The following CDH18 variants were observed in gnomAD, a reference collection of about 807,000 sequenced individuals.
CDH18 encodes cadherin-18.
Under a neutral mutation model 67.9 loss-of-function variants are expected in CDH18, and 31 were observed. The observed-to-expected ratio is 0.46, with a 90% CI of 0.34 to 0.62. CDH18 has a LOEUF of 0.62. Ranked by LOEUF, CDH18 falls within the 20% of genes least tolerant of loss-of-function variation. The pLI, the probability that CDH18 is intolerant of heterozygous loss-of-function variation, is 0.01. For missense variants in CDH18, 890 were observed against 975.5 expected (o/e 0.91, Z 1.17); for synonymous variants, 362 against 347.2 (o/e 1.04, Z -0.48).
chr5:19,800,795 G>GA (rs1023571328), intron 3 of CDH18, among the ~76,000 whole-genome samples: 1 of 151,644 alleles, frequency 6.6e-6, no homozygotes, highest in South Asian at 2.1e-4. Flanking sequence ...AAAATGGTAG[G>GA]AAAAAAAATG....
Position 20,453,017 on chromosome 5 carries a change from C to A in CDH18, c.-580+122445G>T, listed in dbSNP as rs140976594. Among the ~76,000 whole-genome samples, 302 of 152,262 alleles carry A rather than the reference C, an allele frequency of 2.0e-3. 1 individual carries two copies. Among genetic ancestry groups the A allele is most frequent in the African/African-American group, 6.9e-3 (287 of 41,562 alleles). ...AATACACAGGCTGATAACTCCATTA[C>A]CCCTAAATCAGCCACCTATTTGGTA... On this transcript the variant is annotated intron_variant, in intron 1 of 14. Transcript: ENST00000507958.
intron 5 of CDH18, among the ~76,000 whole-genome samples, chr5:19,663,928 G>T (rs996050083): frequency 6.6e-6 from 1 of 151,144 alleles, no homozygotes; most frequent in Admixed American, 6.6e-5. Flanking sequence ...ATGTAGTTTA[G>T]GAAATTGTTA....
chr5:19,514,165 A>G (rs2126851279), intron 10 of CDH18, among the ~76,000 whole-genome samples: 1 of 152,322 alleles, frequency 6.6e-6, no homozygotes, highest in African/African-American at 2.4e-5. Context: ...GTCCCTACAA[A>G]GGACGGGAAC....
intron 1 of CDH18, among the ~76,000 whole-genome samples, chr5:20,462,090 T>A (rs145277449): frequency 1.1e-3 from 166 of 152,304 alleles, no homozygotes; most frequent in Non-Finnish European, 1.8e-3. Context: ...TTTCATTATT[T>A]ACAACAGCAA....
At chr5:19,780,950 C>T (rs1050270962) in intron 3 of CDH18, among the ~76,000 whole-genome samples, 1 of 151,966 alleles carries the variant, frequency 6.6e-6, no homozygotes, top group Non-Finnish European at 1.5e-5. Context: ...GAAGTGGTTT[C>T]CTATAGAATA....
intron 2 of CDH18, among the ~76,000 whole-genome samples, chr5:19,867,094 T>A (rs1464459045): frequency 1.3e-5 from 2 of 152,026 alleles, no homozygotes; most frequent in Admixed American, 1.3e-4. Flanking sequence ...ATCTCAAAAA[T>A]AAATGAATAA....
chr5:20,133,420 A>G (rs1749436838), intron 2 of CDH18, among the ~76,000 whole-genome samples: 1 of 152,128 alleles, frequency 6.6e-6, no homozygotes, highest in South Asian at 2.1e-4. Context: ...ACCATGGGAA[A>G]AAACCTCCTC....
intron 2 of CDH18, among the ~76,000 whole-genome samples, chr5:19,965,624 T>G (rs1031225574): frequency 2.2e-4 from 34 of 152,328 alleles, no homozygotes; most frequent in African/African-American, 7.9e-4. Context: ...ATTTCTTTTA[T>G]TCTGATAATT....
intron 7 of CDH18, among the ~76,000 whole-genome samples, chr5:19,588,787 T>A (rs977031243): frequency 2.0e-5 from 3 of 151,712 alleles, no homozygotes; most frequent in African/African-American, 7.3e-5. Flanking sequence ...CCAAAAAAGA[T>A]CGAAAAAGAC....
At chr5:20,100,029 G>T (rs1432016559) in intron 2 of CDH18, among the ~76,000 whole-genome samples, 1 of 152,008 alleles carries the variant, frequency 6.6e-6, no homozygotes, top group Non-Finnish European at 1.5e-5. Flanking sequence ...CAAATGGTCC[G>T]CCCGCCTTGG....
chr5:20,139,724 T>C (rs1307046438), intron 2 of CDH18, among the ~76,000 whole-genome samples: 1 of 152,118 alleles, frequency 6.6e-6, no homozygotes, highest in Non-Finnish European at 1.5e-5. Flanking sequence ...AAAATGCTCA[T>C]CATCACTGGC....
chr5:19,740,339 C>A (rs1395148258), intron 4 of CDH18, among the ~76,000 whole-genome samples: 2 of 151,748 alleles, frequency 1.3e-5, no homozygotes, highest in Non-Finnish European at 2.9e-5. Flanking sequence ...ACATTGTGAT[C>A]TGTTATATGA....
chr5:20,549,925 G>A (rs982654164), intron 1 of CDH18, among the ~76,000 whole-genome samples: 35 of 152,166 alleles, frequency 2.3e-4, no homozygotes, highest in African/African-American at 7.2e-4. Context: ...TGCAAGAGAT[G>A]AAGTAAAAAT....
chr5:19,943,682 T>C (rs1795039189), intron 2 of CDH18, among the ~76,000 whole-genome samples: 3 of 152,006 alleles, frequency 2.0e-5, no homozygotes, highest in Admixed American at 2.0e-4. Flanking sequence ...TTCCAGTCAA[T>C]GAATAATTAA....
At chr5:19,663,341 G>C (rs1757451421) in intron 5 of CDH18, among the ~76,000 whole-genome samples, 1 of 151,786 alleles carries the variant, frequency 6.6e-6, no homozygotes. Context: ...ACTGCTATTT[G>C]TACATTTATA....
intron 2 of CDH18, among the ~76,000 whole-genome samples, chr5:20,108,100 T>C (rs1747128250): frequency 1.3e-5 from 2 of 152,042 alleles, no homozygotes; most frequent in African/African-American, 4.8e-5. Flanking sequence ...TGTTTTGTTT[T>C]GAGGCAGTCT....
In CDH18 at chr5:20,228,310, G is replaced by A. The variant is rs542902136; in HGVS notation, c.-518+27134C>T. Among the ~76,000 whole-genome samples, 3 of 152,064 alleles carry A rather than the reference G, an allele frequency of 2.0e-5. No homozygotes were observed. The South Asian group carries it at 6.2e-4, about 32-fold the overall frequency. On this transcript the variant is annotated intron_variant, in intron 2 of 14. Coordinates refer to the CDH18 transcript ENST00000507958. ...TATAAGTTTAGGGGTGGGTTTAATAGTTTCATTTGCCTTCAAAGTCCTCTT... is the reference window on the plus strand; with the variant it reads ...TATAAGTTTAGGGGTGGGTTTAATAATTTCATTTGCCTTCAAAGTCCTCTT...
At chr5:20,478,970 C>T (rs990267162) in intron 1 of CDH18, among the ~76,000 whole-genome samples, 5 of 152,152 alleles carry the variant, frequency 3.3e-5, no homozygotes, top group African/African-American at 1.2e-4. Context: ...GTAATCCAGG[C>T]AATTCTTCCG....
chr5:20,148,167 C>T (rs1193751036), intron 2 of CDH18, among the ~76,000 whole-genome samples: 1 of 151,636 alleles, frequency 6.6e-6, no homozygotes, highest in Non-Finnish European at 1.5e-5. Flanking sequence ...TCTTGGCTCA[C>T]TGCAAGCTCC....
Sources: gnomAD v4.1 joint callset for allele counts (sites outside exome capture counted in the v4.1 genomes callset) on GRCh38, gnomAD v4.1.1 for gene constraint, MANE v1.5 for transcripts, NCBI Gene and HGNC (gene_info 2026-07-23, HGNC 2026-07-21) for gene names.